The following GRHL2 variants were observed in gnomAD, a reference collection of about 807,000 sequenced individuals.
GRHL2 encodes the protein grainyhead like transcription factor 2, also known as grainyhead-like protein 2 homolog.
GRHL2 carries 21 observed loss-of-function variants against 83.8 expected under a neutral mutation model. That is an observed-to-expected ratio of 0.25 (90% CI 0.18 to 0.36). GRHL2 has a LOEUF of 0.36. Among genes scored for constraint, GRHL2 ranks in the 10% least tolerant of loss-of-function variants. The probability of loss-of-function intolerance (pLI) is 1.00; values close to 1 mark genes in which losing one functional copy is unlikely to be tolerated. For missense variants in GRHL2, 623 were observed against 781.8 expected (o/e 0.80, Z 2.42); for synonymous variants, 280 against 278.9 (o/e 1.00, Z -0.04).
the GRHL2 span, among the ~76,000 whole-genome samples, chr8:101,678,604 T>G: frequency 9.9e-5 from 15 of 151,608 alleles, no homozygotes; most frequent in East Asian, 2.7e-3. Context: ...CCTGCCTGCC[T>G]CTGTAGGCTC....
chr8:101,634,794 C>T (rs1813255109), intron 11 of GRHL2, among the ~76,000 whole-genome samples: 1 of 152,134 alleles, frequency 6.6e-6, no homozygotes, highest in African/African-American at 2.4e-5. Flanking sequence ...GCCCCCCACC[C>T]CACTGATGAT....
Position 101,573,810 on chromosome 8 carries a change from A to G in GRHL2, c.877A>G (p.Ile293Val). Residue 293 changes from isoleucine to valine, a missense_variant, in exon 6 of 16, where the codon ATC becomes GTC. This residue lies in a region of GRHL2 where 96 missense variants were observed against 144.8 expected (regional missense o/e 0.66). Coordinates refer to ENST00000646743, the MANE Select transcript of GRHL2 (RefSeq NM_024915.4). ...TGDNKCFRHP[I>V]SKVRSVVMVV... is the part of the protein sequence containing the mutation. ...AGACAACAAATGCTTCCGACACCCC[A>G]TCAGCAAAGTCAGGGTAGGGGCCAC... 1.9e-6 allele frequency: 3 copies of G among 1,614,184 alleles called. No individual in the cohort carries two copies. Among genetic ancestry groups the G allele is most frequent in the Non-Finnish European group, 2.5e-6 (3 of 1,180,036 alleles).
chr8:101,518,107 T>C (rs1384609517), intron 1 of GRHL2, among the ~76,000 whole-genome samples: 1 of 152,196 alleles, frequency 6.6e-6, no homozygotes, highest in East Asian at 1.9e-4. Context: ...AGCAGCCTTT[T>C]CCTAAACTCT....
chr8:101,650,690 T>TG (rs1491576724), intron 14 of GRHL2, among the ~76,000 whole-genome samples: 44 of 151,648 alleles, frequency 2.9e-4, no homozygotes, highest in Admixed American at 1.4e-3. Context: ...GGGTTTTCTT[T>TG]GGGGGGGATG....
chr8:101,562,157 T>A, intron 4 of GRHL2: 1 of 631,834 alleles, frequency 1.6e-6, no homozygotes, highest in African/African-American at 1.8e-5. Context: ...TTTTCTTCGA[T>A]CTGTTCATTA....
chr8:101,671,788 A>G (rs1038016964), downstream of GRHL2, among the ~76,000 whole-genome samples: 49 of 152,304 alleles, frequency 3.2e-4, no homozygotes, highest in African/African-American at 1.1e-3. Context: ...GGCATCCCCT[A>G]GTAGGGGCAG....
intron 3 of GRHL2, among the ~76,000 whole-genome samples, chr8:101,554,359 T>A (rs1481417384): frequency 6.6e-6 from 1 of 152,240 alleles, no homozygotes; most frequent in African/African-American, 2.4e-5. Flanking sequence ...ATCTGCTTAG[T>A]CCTGTGCCAG....
intron 7 of GRHL2, among the ~76,000 whole-genome samples, chr8:101,590,860 A>G (rs1812266458): frequency 6.6e-6 from 1 of 152,204 alleles, no homozygotes; most frequent in African/African-American, 2.4e-5. Context: ...TTATTTCACT[A>G]GTCCAGACAG....
intron 1 of GRHL2, among the ~76,000 whole-genome samples, chr8:101,505,020 A>C (rs998733401): frequency 1.3e-5 from 2 of 152,148 alleles, no homozygotes; most frequent in African/African-American, 4.8e-5. Flanking sequence ...ACAACAAAAA[A>C]AAGGTGGAAA....
At chr8:101,577,639 C>CCTCTGAAAGTTA in intron 7 of GRHL2, 120 bp downstream of exon 7, 1 of 732,124 alleles carries the variant, frequency 1.4e-6, no homozygotes. Context: ...ATGTGCCCGG[C>CCTCTGAAAGTTA]ACTAGTCTAT....
intron 1 of GRHL2, among the ~76,000 whole-genome samples, chr8:101,512,629 G>A (rs1479565771): frequency 6.6e-6 from 1 of 152,042 alleles, no homozygotes; most frequent in Non-Finnish European, 1.5e-5. Flanking sequence ...TGTGCACCAC[G>A]ATGCCTGACT....
At chr8:101,620,814 T>A (rs1812950085) in intron 9 of GRHL2, among the ~76,000 whole-genome samples, 1 of 152,050 alleles carries the variant, frequency 6.6e-6, no homozygotes, top group South Asian at 2.1e-4. Context: ...ACAGATCTAG[T>A]GGATTCTAAT....
rs1814153386 is a variant in GRHL2, at chr8:101,669,254, C to CTTTTTTTTTTTCT, written c.*2562_*2563insCTTTTTTTTTTTT. On this transcript the variant is annotated 3_prime_UTR_variant, in exon 16 of 16. Coordinates refer to ENST00000646743, the MANE Select transcript of GRHL2 (RefSeq NM_024915.4). ...GGACATGTGAAATGAGCATTTTTTT[C>CTTTTTTTTTTTCT]TTTTTTTTTTTTAACAAAGTCTGAA... 2 of 126,626 alleles carry CTTTTTTTTTTTCT rather than the reference C, an allele frequency of 1.6e-5. No homozygotes were observed. The highest frequency in any genetic ancestry group is 2.8e-5 in the African/African-American group (1 of 35,560). 7.8% of individuals were successfully genotyped at this position (126,626 alleles called of 1,614,324 possible).
the GRHL2 span, among the ~76,000 whole-genome samples, chr8:101,678,461 A>C: frequency 6.6e-6 from 1 of 152,090 alleles, no homozygotes; most frequent in Non-Finnish European, 1.5e-5. Context: ...GATTGCTAGC[A>C]CAGCAGTCTG....
At chr8:101,671,937 C>A (rs1039454549), downstream of GRHL2, among the ~76,000 whole-genome samples, 8 of 152,192 alleles carry the variant, frequency 5.3e-5, no homozygotes, top group African/African-American at 1.9e-4. Flanking sequence ...GATACCCAGG[C>A]AAACAGGGTC....
intron 3 of GRHL2, among the ~76,000 whole-genome samples, chr8:101,553,623 CTTTTTTT>C (rs1184533206): frequency 9.4e-6 from 1 of 106,846 alleles, no homozygotes; most frequent in Non-Finnish European, 1.8e-5. Context: ...TCATCCACTT[CTTTTTTT>C]TTTTTTTTTT....
chr8:101,535,761 A>C (rs1382525866), intron 1 of GRHL2, among the ~76,000 whole-genome samples: 1 of 152,086 alleles, frequency 6.6e-6, no homozygotes, highest in Admixed American at 6.5e-5. Flanking sequence ...GCTGGTCTCG[A>C]ACTCCTGACC....
rs1813376428 is a variant in GRHL2 at position 101,640,329 on chromosome 8, CTATTGT to C, written c.1517+3410_1517+3415del. Among the ~76,000 whole-genome samples, 4 of 151,564 alleles carry C rather than the reference CTATTGT, an allele frequency of 2.6e-5. No individual in the cohort carries two copies. The South Asian group carries it at 8.3e-4, about 32-fold the overall frequency. The stretch of plus-strand genomic sequence containing the variant: ...AATTTGATTTTTTTTTAAATCATAG[CTATTGT>C]TATTGTTAAGATTCCTATTCAGACC... On this transcript the variant is annotated intron_variant, in intron 12 of 15. Transcript: ENST00000646743.
chr8:101,576,240 G>A (rs994001231), intron 6 of GRHL2, among the ~76,000 whole-genome samples: 4 of 152,106 alleles, frequency 2.6e-5, no homozygotes, highest in Non-Finnish European at 4.4e-5. Context: ...TTGAGACAGG[G>A]TCTCTCTCTG....
Sources: allele counts gnomAD v4.1 joint callset (sites outside exome capture counted in the v4.1 genomes callset), GRCh38; gene constraint gnomAD v4.1.1; regional missense constraint gnomAD v4.1.1; transcripts MANE v1.5; gene names NCBI Gene and HGNC (gene_info 2026-07-23, HGNC 2026-07-21).